The following CANX variants were observed in gnomAD, a reference collection of about 807,000 sequenced individuals.
CANX encodes calnexin, also known as epididymis secretory sperm binding protein.
In CANX, 14 loss-of-function variants were observed where a neutral mutation model predicts 75.7. The ratio of observed to expected loss-of-function variants is 0.19; its 90% confidence interval spans 0.12 to 0.29. The LOEUF is 0.29. CANX is among the 10% of genes least tolerant of loss of function. The probability of loss-of-function intolerance (pLI) is 1.00; values close to 1 mark genes in which losing one functional copy is unlikely to be tolerated. For synonymous variants in CANX, 227 were observed against 236.9 expected (o/e 0.96, Z 0.38); for missense variants, 567 against 713.2 (o/e 0.79, Z 2.34).
intron 1 of CANX, chr5:179,679,026 G>A: frequency 1.3e-6 from 2 of 1,534,856 alleles, no homozygotes; most frequent in South Asian, 2.4e-5. Context: ...GGCATGCGGC[G>A]CAGTGGCGGC....
chr5:179,717,638 T>C (rs1221483218), intron 8 of CANX, among the ~76,000 whole-genome samples: 1 of 152,210 alleles, frequency 6.6e-6, no homozygotes, highest in East Asian at 1.9e-4. Flanking sequence ...GGTTGTTTGC[T>C]CCTTTTTGTC....
rs760010939 is a variant in CANX at position 179,679,102 on chromosome 5, G to T, written c.-4+325G>T. ...ACTGCTGCAGCGTCTGCCACAGGCG[G>T]CTGGCATGGCTCGTAGCCGAGCACT... On this transcript the variant is annotated intron_variant, in intron 1 of 14. Coordinates refer to the CANX transcript ENST00000681674. 1.6e-4 allele frequency: 252 copies of T among 1,535,668 alleles called. No homozygotes were observed. The highest frequency in any genetic ancestry group is 2.1e-4 in the Non-Finnish European group (242 of 1,146,722).
intron 7 of CANX, among the ~76,000 whole-genome samples, chr5:179,714,671 C>T (rs1471576005): frequency 6.6e-6 from 1 of 152,138 alleles, no homozygotes; most frequent in Non-Finnish European, 1.5e-5. Flanking sequence ...GTGCCCACCA[C>T]CACGCTGGGC....
upstream of CANX, among the ~76,000 whole-genome samples, chr5:179,696,514 A>T (rs1459112573): frequency 1.3e-5 from 2 of 150,772 alleles, no homozygotes; most frequent in Non-Finnish European, 3.0e-5. Context: ...GACCTCAGGT[A>T]ATCCGCCCGC....
intron 1 of CANX, among the ~76,000 whole-genome samples, chr5:179,691,780 A>T (rs982009084): frequency 6.6e-6 from 1 of 151,674 alleles, no homozygotes; most frequent in Non-Finnish European, 1.5e-5. Flanking sequence ...TTATTTAATT[A>T]ATTTATTTAT....
At chr5:179,711,066 A>G (rs1268117192) in intron 7 of CANX, among the ~76,000 whole-genome samples, 1 of 152,070 alleles carries the variant, frequency 6.6e-6, no homozygotes, top group Non-Finnish European at 1.5e-5. Flanking sequence ...CCCCTCCACG[A>G]AAGAAAAGAA....
At chr5:179,709,494 G>A (rs1303386609) in intron 6 of CANX, among the ~76,000 whole-genome samples, 1 of 152,010 alleles carries the variant, frequency 6.6e-6, no homozygotes, top group Admixed American at 6.6e-5. Context: ...TTGATGAGTT[G>A]GGAAAATTGA....
intron 13 of CANX, among the ~76,000 whole-genome samples, chr5:179,726,386 C>G (rs978910213): frequency 1.3e-5 from 2 of 152,000 alleles, no homozygotes; most frequent in African/African-American, 4.8e-5. Context: ...ACCATCCTGG[C>G]TAACACGGTG....
chr5:179,706,983 A>G, intron 3 of CANX, 149 bp from the exon 4 acceptor site: 1 of 604,958 alleles, frequency 1.7e-6, no homozygotes, highest in South Asian at 1.9e-5. Flanking sequence ...ATGTATTATC[A>G]TTAGTTGTGT....
chr5:179,702,205 A>G (rs1174243840), intron 1 of CANX, among the ~76,000 whole-genome samples: 1 of 149,726 alleles, frequency 6.7e-6, no homozygotes, highest in Non-Finnish European at 1.5e-5. Flanking sequence ...CGCTACACTC[A>G]GCTAATTTTT....
chr5:179,706,020 G>T (rs563013580), intron 2 of CANX, among the ~76,000 whole-genome samples, 168 bp downstream of exon 2: 1 of 152,052 alleles, frequency 6.6e-6, no homozygotes, highest in Non-Finnish European at 1.5e-5. Context: ...AAATATAAAA[G>T]AAAAACATGG....
chr5:179,710,094 A>T (rs1429581882), intron 7 of CANX, 29 bp downstream of exon 7: 1 of 1,269,006 alleles, frequency 7.9e-7, no homozygotes, highest in African/African-American at 1.5e-5. Flanking sequence ...TTGGGGGCTT[A>T]TGGTATTACA....
intron 14 of CANX, among the ~76,000 whole-genome samples, chr5:179,727,712 C>T (rs559029585): frequency 1.3e-5 from 2 of 152,188 alleles, no homozygotes; most frequent in South Asian, 2.1e-4. Context: ...AGAATCAGGG[C>T]GACCAGTTAG....
chr5:179,687,338 C>T (rs1023194413), intron 1 of CANX, among the ~76,000 whole-genome samples: 4 of 148,878 alleles, frequency 2.7e-5, no homozygotes, highest in African/African-American at 5.0e-5. Context: ...CTCCTGGCCT[C>T]GTGATCCACC....
Position 179,699,075 on chromosome 5 carries a change from C to G in CANX, c.-31C>G. 9.2e-7 allele frequency: 1 copy of G among 1,088,684 alleles called. No homozygotes were observed. Among genetic ancestry groups the G allele is most frequent in the Non-Finnish European group, 1.1e-6 (1 of 889,064 alleles). 67.4% of individuals were successfully genotyped at this position (1,088,684 alleles called of 1,614,324 possible). ...GTGTGCGGGCGGGAAGGGGCACGGG[C>G]ACCCCCGCGGTCCCCGGGAGGCTAG... On this transcript the variant is annotated 5_prime_UTR_variant, in exon 1 of 15. Transcript: ENST00000247461.
At chr5:179,682,171 G>A (rs1394215966) in intron 1 of CANX, among the ~76,000 whole-genome samples, 1 of 150,390 alleles carries the variant, frequency 6.6e-6, no homozygotes, top group Non-Finnish European at 1.5e-5. Context: ...AGAATTGCTT[G>A]AACCTGGGAG....
chr5:179,700,031 AG>A (rs1426742060), intron 1 of CANX, among the ~76,000 whole-genome samples: 3 of 152,244 alleles, frequency 2.0e-5, no homozygotes, highest in African/African-American at 7.2e-5. Flanking sequence ...TCCGACATTT[AG>A]TAACTGCTCG....
upstream of CANX, among the ~76,000 whole-genome samples, chr5:179,696,902 C>G (rs986782719): frequency 2.6e-5 from 4 of 152,038 alleles, no homozygotes; most frequent in African/African-American, 9.7e-5. Flanking sequence ...CACCATTTTT[C>G]CAACAGCACG....
chr5:179,696,935 C>G (rs1285079293), upstream of CANX, among the ~76,000 whole-genome samples: 1 of 131,572 alleles, frequency 7.6e-6, no homozygotes, highest in Non-Finnish European at 1.7e-5. Flanking sequence ...GTCTCTGTCA[C>G]ATTTTGGGAA....
Sources: allele counts gnomAD v4.1 joint callset (sites outside exome capture counted in the v4.1 genomes callset), GRCh38; gene constraint gnomAD v4.1.1; transcripts MANE v1.5; gene names NCBI Gene and HGNC (gene_info 2026-07-23, HGNC 2026-07-21).